LRP1B: variants seen among roughly 807,000 people sequenced by gnomAD.
LRP1B encodes low-density lipoprotein receptor-related protein 1B.
In LRP1B, 217 loss-of-function variants were observed where a neutral mutation model predicts 556.6. The observed-to-expected ratio is 0.39, with a 90% CI of 0.35 to 0.44. The LOEUF (loss-of-function observed/expected upper bound fraction) is 0.44. LRP1B is among the 20% of genes least tolerant of loss of function. The pLI is 1.00. For synonymous variants in LRP1B, 2,047 were observed against 1,865.8 expected (o/e 1.10, Z -2.50); for missense variants, 5,053 against 5,620.8 (o/e 0.90, Z 3.23).
intron 1 of LRP1B, among the ~76,000 whole-genome samples, chr2:142,071,777 C>G (rs1705320688): frequency 6.6e-6 from 1 of 151,988 alleles, no homozygotes; most frequent in Non-Finnish European, 1.5e-5. Flanking sequence ...AGAATAACCA[C>G]TTCCACCAGG....
intron 79 of LRP1B, among the ~76,000 whole-genome samples, chr2:140,328,126 G>C (rs1680593498): frequency 6.6e-6 from 1 of 151,820 alleles, no homozygotes; most frequent in Non-Finnish European, 1.5e-5. Context: ...CAATAATAAA[G>C]TGGAAAAAAA....
intron 27 of LRP1B, among the ~76,000 whole-genome samples, chr2:140,863,184 C>A (rs1692850509): frequency 6.6e-6 from 1 of 152,154 alleles, no homozygotes; most frequent in Non-Finnish European, 1.5e-5. Flanking sequence ...GTTACACACA[C>A]ACACATATAT....
At chr2:140,655,614 A>T (rs2105329350) in intron 41 of LRP1B, among the ~76,000 whole-genome samples, 1 of 152,322 alleles carries the variant, frequency 6.6e-6, no homozygotes. Context: ...ACAGAGAAGT[A>T]GCTAGGTTAT....
intron 66 of LRP1B, among the ~76,000 whole-genome samples, chr2:140,426,179 T>C (rs1272048196): frequency 1.3e-5 from 2 of 152,186 alleles, no homozygotes; most frequent in East Asian, 1.9e-4. Flanking sequence ...TTCAACCTTG[T>C]GTGTAGTTCT....
chr2:141,310,678 T>C (rs1411369984), intron 3 of LRP1B, among the ~76,000 whole-genome samples: 1 of 152,034 alleles, frequency 6.6e-6, no homozygotes, highest in Admixed American at 6.6e-5. Context: ...GAATAAAGAA[T>C]AGGCTTTTAA....
intron 3 of LRP1B, among the ~76,000 whole-genome samples, chr2:141,302,038 C>A (rs982663029): frequency 2.6e-5 from 4 of 151,758 alleles, no homozygotes; most frequent in African/African-American, 7.3e-5. Context: ...TACATATATA[C>A]AATAAAAACA....
chr2:141,234,398 A>T (rs1355105285), intron 5 of LRP1B, among the ~76,000 whole-genome samples: 2 of 151,934 alleles, frequency 1.3e-5, no homozygotes, highest in Non-Finnish European at 2.9e-5. Flanking sequence ...TTTTTTTGAG[A>T]CAGAGTCTTG....
At chr2:140,336,051 C>G (rs1269623602) in intron 77 of LRP1B, among the ~76,000 whole-genome samples, 1 of 151,846 alleles carries the variant, frequency 6.6e-6, no homozygotes, top group East Asian at 2.0e-4. Flanking sequence ...GGAGTTTAAC[C>G]AGATTGCACC....
At chr2:141,025,754 TTC>T (rs1313667075) in intron 11 of LRP1B, among the ~76,000 whole-genome samples, 2 of 152,098 alleles carry the variant, frequency 1.3e-5, no homozygotes, top group African/African-American at 4.8e-5. Context: ...TATATATACA[TTC>T]TGTTTGTTCT....
chr2:140,646,459 G>A (rs544740201), intron 41 of LRP1B, among the ~76,000 whole-genome samples: 1 of 152,116 alleles, frequency 6.6e-6, no homozygotes, highest in Non-Finnish European at 1.5e-5. Context: ...AAAATTGAAG[G>A]TCAGGGAGTT....
chr2:141,713,164 G>A (rs3856361), intron 2 of LRP1B, among the ~76,000 whole-genome samples: 49,021 of 150,418 alleles, frequency 0.33, 8,666 homozygotes, highest in African/African-American at 0.46. Context: ...CTGGGATTAG[G>A]GGTGTGAGCC....
In LRP1B at chr2:140,325,803, T is replaced by C. The variant is rs2105064075; in HGVS notation, c.12299A>G (p.Tyr4100Cys). ...AGAGACTACTGAATTAGAGCCATCA[T>C]ACAGAACACTGCCAATGATGGAGAG... The part of the protein sequence containing the change: ...FELSIIGSVL[Y>C]DGSNSVVSVS... The change falls in exon 80 of 91, where the codon TAT (tyrosine) becomes TGT (cysteine). Residue 4100 changes from tyrosine to cysteine, a missense_variant. Transcript: ENST00000389484. The C allele has an allele frequency of 6.2e-7, 1 of 1,613,104 alleles. No homozygotes were observed. Among genetic ancestry groups the C allele is most frequent in the Non-Finnish European group, 8.5e-7 (1 of 1,179,506 alleles).
chr2:140,851,312 C>G (rs1469251468), intron 28 of LRP1B, among the ~76,000 whole-genome samples: 1 of 151,990 alleles, frequency 6.6e-6, no homozygotes, highest in South Asian at 2.1e-4. Flanking sequence ...TGCAGGTTAC[C>G]TACATCATCA....
intron 6 of LRP1B, among the ~76,000 whole-genome samples, chr2:141,192,529 C>T (rs1681561714): frequency 6.6e-6 from 1 of 151,744 alleles, no homozygotes; most frequent in African/African-American, 2.4e-5. Context: ...TCCCTTATTG[C>T]TTTACTGTTA....
At chr2:140,895,024 T>C (rs1024325159) in intron 23 of LRP1B, among the ~76,000 whole-genome samples, 23 of 150,254 alleles carry the variant, frequency 1.5e-4, no homozygotes, top group African/African-American at 5.4e-4. Context: ...AGGTTCAGAG[T>C]GGAAAGGAGT....
intron 31 of LRP1B, among the ~76,000 whole-genome samples, chr2:140,820,834 T>A (rs1055404655): frequency 7.2e-5 from 11 of 151,950 alleles, no homozygotes; most frequent in African/African-American, 2.7e-4. Flanking sequence ...ACACATATCA[T>A]CCTCTTTTAT....
At chr2:141,340,154 G>A (rs1192603639) in intron 3 of LRP1B, among the ~76,000 whole-genome samples, 1 of 152,136 alleles carries the variant, frequency 6.6e-6, no homozygotes, top group Non-Finnish European at 1.5e-5. Flanking sequence ...ATGTAGGTTT[G>A]ACCGAAGAAA....
At chr2:141,065,401 G>A (rs1373321132) in intron 7 of LRP1B, among the ~76,000 whole-genome samples, 1 of 151,918 alleles carries the variant, frequency 6.6e-6, no homozygotes, top group Non-Finnish European at 1.5e-5. Context: ...GACAGATAAT[G>A]TTCTTTATAG....
intron 1 of LRP1B, among the ~76,000 whole-genome samples, chr2:141,811,806 A>T (rs1010426697): frequency 2.6e-5 from 4 of 152,128 alleles, no homozygotes; most frequent in Admixed American, 2.0e-4. Flanking sequence ...AACGATGTAG[A>T]AGCCAGTCTT....
Sources: gnomAD v4.1 joint callset for allele counts (sites outside exome capture counted in the v4.1 genomes callset) on GRCh38, gnomAD v4.1.1 for gene constraint, MANE v1.5 for transcripts, NCBI Gene and HGNC (gene_info 2026-07-23, HGNC 2026-07-21) for gene names.